NEU3: variants seen among roughly 807,000 people sequenced by gnomAD.
NEU3 encodes neuraminidase 3.
In NEU3, 10 loss-of-function variants were observed where a neutral mutation model predicts 11.4. That is an observed-to-expected ratio of 0.88 (90% CI 0.54 to 1.49). The LOEUF (loss-of-function observed/expected upper bound fraction) is 1.49. Among genes scored for constraint, NEU3 ranks in the 40% most tolerant of loss-of-function variants. The pLI is 0.00. For missense variants in NEU3, 529 were observed against 581.8 expected (o/e 0.91, Z 0.93); for synonymous variants, 212 against 228.2 (o/e 0.93, Z 0.64).
downstream of NEU3, among the ~76,000 whole-genome samples, chr11:75,012,139 C>CAG (rs1948959737): frequency 6.6e-6 from 1 of 152,188 alleles, no homozygotes. Flanking sequence ...TACAGCCATG[C>CAG]AGAGGTTTGG....
chr11:74,997,062 A>C (rs542499404), intron 2 of NEU3, among the ~76,000 whole-genome samples: 1 of 152,330 alleles, frequency 6.6e-6, no homozygotes, highest in East Asian at 1.9e-4. Flanking sequence ...ATTGACCTCA[A>C]CTTAAAGTCA....
rs202090872 is a variant in NEU3, at chr11:75,005,621, G to C, written c.515G>C (p.Ser172Thr). ...AGTCAGGATGCTGGATGTTCATGGA[G>C]TGAGGTGAGGGACTTGACTGAGGAG... ...IYSQDAGCSW[S>T]EVRDLTEEVI... is the part of the protein sequence containing the mutation. The change falls in exon 3 of 3, where the codon AGT becomes ACT. Residue 172 changes from serine to threonine, a missense_variant. By Grantham distance (58) the Ser-to-Thr change is moderately conservative. Coordinates refer to ENST00000294064, the MANE Select transcript of NEU3 (RefSeq NM_006656.6). 3.1e-5 allele frequency: 50 copies of C among 1,614,062 alleles called. No individual in the cohort carries two copies. The East Asian group carries it at 7.8e-4, about 25-fold the overall frequency.
upstream of NEU3, among the ~76,000 whole-genome samples, chr11:74,987,886 CTTTTTTTTTTTCTT>C (rs1948684700): frequency 6.0e-5 from 5 of 83,258 alleles, no homozygotes; most frequent in East Asian, 3.1e-4. Context: ...GGTTCTAGGC[CTTTTTTTTTTTCTT>C]TTTTTTTTTT....
chr11:74,992,580 C>T (rs1948744560), intron 1 of NEU3, among the ~76,000 whole-genome samples: 1 of 152,176 alleles, frequency 6.6e-6, no homozygotes, highest in Non-Finnish European at 1.5e-5. Context: ...AGAAGTGGAA[C>T]ACCTGGTTTT....
rs1018826396 is a variant in NEU3, at chr11:75,006,462, T to C, written c.1356T>C (p.Gly452=). ...TGCAGGGGGACTGCACCAGCCCTGGTAGGAACCCAAGCCAATTCAAAAGCA... is the reference window on the plus strand; with the variant it reads ...TGCAGGGGGACTGCACCAGCCCTGGCAGGAACCCAAGCCAATTCAAAAGCA... The part of the protein sequence containing the change: ...SHLQGDCTSP[G]RNPSQFKSN The change falls in exon 3 of 3, where the codon GGT becomes GGC. Residue 452 remains glycine, a synonymous_variant. Transcript: ENST00000294064. The C allele has an allele frequency of 1.2e-6, 2 of 1,613,222 alleles. No individual in the cohort carries two copies. Among genetic ancestry groups the C allele is most frequent in the Non-Finnish European group, 1.7e-6 (2 of 1,179,492 alleles).
chr11:74,986,300 T>G (rs546306485), upstream of NEU3, among the ~76,000 whole-genome samples: 6 of 152,366 alleles, frequency 3.9e-5, no homozygotes, highest in African/African-American at 1.4e-4. Context: ...TGGACACATC[T>G]AATACAGGTA....
chr11:74,994,683 T>A lies in NEU3; in HGVS notation c.269T>A (p.Val90Glu), dbSNP rs1478712512. The part of the protein sequence containing the change: ...TRRDEDALHL[V>E]LRRGLRIGQL... ...AGAGATGAGGATGCTCTCCACCTGG[T>A]GCTGAGGCGAGGGTTGAGGATTGGG... The change falls in exon 2 of 3, where the codon GTG (valine) becomes GAG (glutamate). Residue 90 changes from valine (V) to glutamate (E), a missense_variant. Val to Glu is a moderately radical substitution (Grantham distance 121). Transcript: ENST00000294064. 1 of 1,614,014 alleles carries A rather than the reference T, an allele frequency of 6.2e-7. No homozygotes were observed. The highest frequency in any genetic ancestry group is 2.2e-5 in the East Asian group (1 of 44,890).
downstream of NEU3, among the ~76,000 whole-genome samples, chr11:75,012,130 ACAGC>A (rs1371918830): frequency 6.6e-6 from 1 of 152,184 alleles, no homozygotes; most frequent in African/African-American, 2.4e-5. Context: ...GCATGCATTT[ACAGC>A]CATGCAGAGG....
At chr11:75,018,987 A>T (rs552523952), downstream of NEU3, 1 of 152,520 alleles carries the variant, frequency 6.6e-6, no homozygotes, top group African/African-American at 2.4e-5. Flanking sequence ...GTTATGTTGT[A>T]ACAAAGAGAC....
intron 2 of NEU3, among the ~76,000 whole-genome samples, chr11:74,996,228 T>A (rs1362975048): frequency 6.6e-6 from 1 of 152,222 alleles, no homozygotes; most frequent in Non-Finnish European, 1.5e-5. Flanking sequence ...GATTTCTCTG[T>A]AGCATGCAAT....
chr11:75,016,397 G>T (rs188120589), intron 3 of NEU3, among the ~76,000 whole-genome samples: 117 of 152,280 alleles, frequency 7.7e-4, no homozygotes, highest in African/African-American at 2.6e-3. Flanking sequence ...TCAAGAAGCT[G>T]CAGTGCCCTT....
intron 3 of NEU3, among the ~76,000 whole-genome samples, chr11:75,016,652 A>G (rs1323613937): frequency 6.6e-6 from 1 of 152,154 alleles, no homozygotes; most frequent in African/African-American, 2.4e-5. Flanking sequence ...AGATCCTTCA[A>G]AATTGGAAAC....
chr11:74,983,374 A>G (rs1381061216), upstream of NEU3, among the ~76,000 whole-genome samples: 1 of 152,244 alleles, frequency 6.6e-6, no homozygotes. Context: ...AGGAAAAGAA[A>G]TAAAAGCACA....
rs1025152296 is a variant in NEU3, at chr11:75,007,574, C to T, written c.*1082C>T. ...AGGATATTGTCCTGGCCCAGCTACT[C>T]CTTTACCTGTGAGAAGATCTTCACC... On this transcript the variant is annotated 3_prime_UTR_variant, in exon 3 of 3. Transcript: ENST00000294064. 3 of 152,144 alleles carry T rather than the reference C, an allele frequency of 2.0e-5. No individual in the cohort carries two copies. The highest frequency in any genetic ancestry group is 4.4e-5 in the Non-Finnish European group (3 of 68,048). The allele number at this position is 152,144 out of a possible 1,614,324, so 9.4% of individuals were successfully genotyped here. A position where few individuals can be genotyped will look rare whatever the true frequency, so the allele number is the denominator to read the frequency against.
At chr11:75,017,700 C>T (rs1948987111) in intron 3 of NEU3, among the ~76,000 whole-genome samples, 1 of 152,040 alleles carries the variant, frequency 6.6e-6, no homozygotes, top group African/African-American at 2.4e-5. Context: ...TTGACCTGGG[C>T]CTGTGAGCCA....
At chr11:75,003,538 A>G (rs1000019795) in intron 2 of NEU3, among the ~76,000 whole-genome samples, 1 of 152,222 alleles carries the variant, frequency 6.6e-6, no homozygotes, top group African/African-American at 2.4e-5. Flanking sequence ...TTTCTGATGC[A>G]AAAGGTAGCA....
At chr11:75,013,921 G>T (rs1242420348), downstream of NEU3, among the ~76,000 whole-genome samples, 1 of 152,184 alleles carries the variant, frequency 6.6e-6, no homozygotes, top group Admixed American at 6.5e-5. Context: ...TTACCTTGCA[G>T]GTTGATATGA....
rs780097053 is a variant in NEU3 at position 74,994,618 on chromosome 11, C to G, written c.204C>G (p.Thr68=). 1 of 1,614,008 alleles carries G rather than the reference C, an allele frequency of 6.2e-7. No homozygotes were observed. The highest frequency in any genetic ancestry group is 1.7e-5 in the Admixed American group (1 of 60,022). ...RIPALLYIPP[T]HTFLAFAEKR... is the part of the protein sequence containing the mutation. ...CAGCCCTGCTCTACATACCCCCCAC[C>G]CACACCTTCCTGGCCTTTGCAGAGA... The change falls in exon 2 of 3, where the codon ACC becomes ACG. Residue 68 remains threonine (T), a synonymous_variant. Transcript: ENST00000294064.
rs1329508227 is a variant in NEU3, at chr11:74,989,168, G to C, written c.94+14G>C. The stretch of plus-strand genomic sequence containing the variant: ...GGTCCAGTGCAGGTGAGCGGGGTTG[G>C]GAGACAGGAGAGCTCCCCGAGGAGG... On this transcript the variant is annotated intron_variant, in intron 1 of 2. Transcript: ENST00000294064. 4 of 1,545,888 alleles carry C rather than the reference G, an allele frequency of 2.6e-6. No individual in the cohort carries two copies. In the African/African-American group the frequency reaches 4.1e-5, roughly 16 times the overall value.
Sources: gnomAD v4.1 joint callset for allele counts (sites outside exome capture counted in the v4.1 genomes callset) on GRCh38, gnomAD v4.1.1 for gene constraint, MANE v1.5 for transcripts, NCBI Gene and HGNC (gene_info 2026-07-23, HGNC 2026-07-21) for gene names.